CNTN4: variants seen among roughly 807,000 people sequenced by gnomAD.
CNTN4 encodes the protein contactin 4.
In CNTN4, 77 loss-of-function variants were observed where a neutral mutation model predicts 122.5. The observed-to-expected ratio is 0.63, with a 90% CI of 0.52 to 0.76. The LOEUF is 0.76. CNTN4 is among the 30% of genes least tolerant of loss of function. CNTN4 has a pLI of 0.00. For missense variants in CNTN4, 1,256 were observed against 1,259.1 expected (o/e 1.00, Z 0.04); for synonymous variants, 512 against 447.0 (o/e 1.15, Z -1.83).
intron 2 of CNTN4, among the ~76,000 whole-genome samples, chr3:2,292,193 G>A (rs979722959): frequency 9.9e-5 from 15 of 152,046 alleles, no homozygotes; most frequent in African/African-American, 3.4e-4. Context: ...ACACATTTTG[G>A]CAACAGATTA....
intron 2 of CNTN4, among the ~76,000 whole-genome samples, chr3:2,219,411 A>G (rs2038973896): frequency 6.6e-6 from 1 of 152,134 alleles, no homozygotes; most frequent in Non-Finnish European, 1.5e-5. Context: ...CTTACATTTT[A>G]TTTCTATTAG....
chr3:2,534,099 C>T (rs1199516388), intron 3 of CNTN4, among the ~76,000 whole-genome samples: 1 of 152,102 alleles, frequency 6.6e-6, no homozygotes, highest in Non-Finnish European at 1.5e-5. Context: ...TGCAGAAGCT[C>T]TTTAGTTTAA....
chr3:2,567,195 T>G (rs909187113), intron 3 of CNTN4, among the ~76,000 whole-genome samples: 67 of 151,476 alleles, frequency 4.4e-4, no homozygotes, highest in Non-Finnish European at 8.1e-4. Context: ...CAAGCCATTC[T>G]CCTGCCTCAG....
chr3:2,342,095 C>A (rs1240520974), intron 3 of CNTN4, among the ~76,000 whole-genome samples: 1 of 152,172 alleles, frequency 6.6e-6, no homozygotes, highest in Non-Finnish European at 1.5e-5. Context: ...TATTATATAT[C>A]CATCAACTAA....
chr3:3,051,386 C>G (rs571234412), intron 23 of CNTN4, among the ~76,000 whole-genome samples: 5 of 152,292 alleles, frequency 3.3e-5, no homozygotes, highest in African/African-American at 1.2e-4. Flanking sequence ...CATAATACTG[C>G]AAGACTGATA....
At chr3:2,638,832 G>T (rs529252105) in intron 4 of CNTN4, among the ~76,000 whole-genome samples, 2 of 151,998 alleles carry the variant, frequency 1.3e-5, no homozygotes, top group Admixed American at 6.6e-5. Context: ...TTTTAAATTT[G>T]TTTGCTTTCT....
At position 2,906,540 on chromosome 3, in the gene CNTN4, G is replaced by A. The variant is rs192134788; in HGVS notation, c.1207+3535G>A. ...AGCATATATCGGAAAATTTAAACTTGAAAAAGAAAGATGGTGGCCGGGCAC... is the reference window on the plus strand; with the variant it reads ...AGCATATATCGGAAAATTTAAACTTAAAAAAGAAAGATGGTGGCCGGGCAC... On this transcript the variant is annotated intron_variant, in intron 12 of 24. Transcript: ENST00000418658. Among the ~76,000 whole-genome samples, 641 of 152,002 alleles carry A rather than the reference G, an allele frequency of 4.2e-3. 4 individuals carry two copies. Among genetic ancestry groups the A allele is most frequent in the African/African-American group, 0.015 (604 of 41,474 alleles).
At chr3:2,795,770 T>G in intron 6 of CNTN4, among the ~76,000 whole-genome samples, 1 of 152,092 alleles carries the variant, frequency 6.6e-6, no homozygotes, top group East Asian at 1.9e-4. Flanking sequence ...TCCACCCGCC[T>G]CAGCCTCCCA....
chr3:2,626,923 A>G (rs2082212302), intron 4 of CNTN4, among the ~76,000 whole-genome samples: 1 of 152,232 alleles, frequency 6.6e-6, no homozygotes, highest in Non-Finnish European at 1.5e-5. Context: ...AGGGCAGTAC[A>G]CAGAAGTTTA....
At chr3:2,928,436 G>C (rs2094492728) in intron 13 of CNTN4, among the ~76,000 whole-genome samples, 1 of 152,172 alleles carries the variant, frequency 6.6e-6, no homozygotes, top group South Asian at 2.1e-4. Flanking sequence ...AATTGTAGAT[G>C]AAACTGATGA....
intron 2 of CNTN4, among the ~76,000 whole-genome samples, chr3:2,250,544 C>T (rs2040335980): frequency 6.6e-6 from 1 of 151,830 alleles, no homozygotes; most frequent in African/African-American, 2.4e-5. Context: ...ATATTCCCAA[C>T]ACAATGAAAT....
chr3:2,925,665 G>C lies in CNTN4; in HGVS notation c.1244G>C (p.Arg415Thr), dbSNP rs780600419. The part of the protein sequence containing the change: ...GPDFSRTLLK[R>T]VTLVKVGGEV... ...GATTTTTCAAGAACACTCTTGAAAA[G>C]AGTAACTCTTGTCAAAGTGGGAGGT... is the stretch of plus-strand genomic sequence containing the variant. The change falls in exon 13 of 25, where the codon AGA becomes ACA. Residue 415 changes from arginine (R) to threonine (T), a missense_variant. Arg to Thr is a moderately conservative substitution (Grantham distance 71). Transcript: ENST00000418658. 2.5e-6 allele frequency: 4 copies of C among 1,614,062 alleles called. No individual in the cohort carries two copies. Among genetic ancestry groups the C allele is most frequent in the Admixed American group, 1.7e-5 (1 of 60,022 alleles).
intron 4 of CNTN4, among the ~76,000 whole-genome samples, chr3:2,702,945 A>G (rs1386982211): frequency 2.6e-5 from 4 of 152,186 alleles, no homozygotes; most frequent in East Asian, 1.9e-4. Context: ...AGACCCAGTT[A>G]TCTTGGTTAG....
chr3:2,267,670 T>G (rs2041106973), intron 2 of CNTN4, among the ~76,000 whole-genome samples: 1 of 152,106 alleles, frequency 6.6e-6, no homozygotes, highest in South Asian at 2.1e-4. Context: ...TTGACCATGC[T>G]AATTCCCCTC....
At chr3:2,649,295 G>A (rs1436105631) in intron 4 of CNTN4, among the ~76,000 whole-genome samples, 2 of 152,226 alleles carry the variant, frequency 1.3e-5, no homozygotes, top group Non-Finnish European at 2.9e-5. Context: ...ACTTTGATAA[G>A]TAGAGAGGAC....
intron 6 of CNTN4, among the ~76,000 whole-genome samples, chr3:2,813,648 T>A (rs1420616044): frequency 6.6e-6 from 1 of 152,170 alleles, no homozygotes; most frequent in Non-Finnish European, 1.5e-5. Context: ...TAATGGCTAG[T>A]CCATTAATTA....
At chr3:2,173,908 C>G (rs558375844) in intron 2 of CNTN4, among the ~76,000 whole-genome samples, 27 of 152,208 alleles carry the variant, frequency 1.8e-4, no homozygotes, top group African/African-American at 6.3e-4. Context: ...AATAATTTCT[C>G]AAAGAGGGTA....
Position 3,053,815 on chromosome 3 carries a change from C to G in CNTN4, c.2820C>G (p.Tyr940Ter). 6.2e-7 allele frequency: 1 copy of G among 1,614,152 alleles called. No homozygotes were observed. The highest frequency in any genetic ancestry group is 8.5e-7 in the Non-Finnish European group (1 of 1,180,016). ...ESEVKGYKVL[Y>*]RWNRQSSTSV... ...TCTTTCTGTATTGGCAGGTCTTGTA[C>G]AGATGGAACAGACAAAGCAGCACAT... The change falls in exon 24 of 25, where the codon TAC becomes TAG. Residue 940 changes from tyrosine to a stop codon, truncating the protein, a stop_gained. Transcript: ENST00000418658. LOFTEE classifies it high-confidence loss of function.
chr3:3,039,088 TTCC>T, intron 19 of CNTN4, 85 bp downstream of exon 19: 2 of 1,186,112 alleles, frequency 1.7e-6, no homozygotes, highest in Non-Finnish European at 2.5e-6. Context: ...GCTGGGAAGT[TTCC>T]TCCTCTGTTT....
Sources: gnomAD v4.1 joint callset for allele counts (sites outside exome capture counted in the v4.1 genomes callset) on GRCh38, gnomAD v4.1.1 for gene constraint, MANE v1.5 for transcripts, NCBI Gene and HGNC (gene_info 2026-07-23, HGNC 2026-07-21) for gene names.